The following CELF3 variants were observed in gnomAD, a reference collection of about 807,000 sequenced individuals.
CELF3 encodes the protein CAG repeat domain.
A neutral mutation model predicts 59.6 loss-of-function variants in CELF3; 26 were observed. The observed-to-expected ratio is 0.44, with a 90% CI of 0.32 to 0.61. The LOEUF is 0.61. Among genes scored for constraint, CELF3 ranks in the 20% least tolerant of loss-of-function variants. The probability of loss-of-function intolerance (pLI) is 0.06; values close to 1 mark genes in which losing one functional copy is unlikely to be tolerated. For missense variants in CELF3, 387 were observed against 627.2 expected (o/e 0.62, Z 4.09); for synonymous variants, 245 against 250.7 (o/e 0.98, Z 0.22).
chr1:151,716,691 AGT>A lies in CELF3; in HGVS notation c.-673_-672del. 1.0e-4 allele frequency: 5 copies of A among 48,246 alleles called. No individual in the cohort carries two copies. The highest frequency in any genetic ancestry group is 1.0e-4 in the South Asian group (1 of 9,790). 3.0% of individuals were successfully genotyped at this position (48,246 alleles called of 1,614,324 possible). ...TCAGCCCCCCTCCCACCCCCACCCCAGTCCCCGGGCCTGGGCTGCTGCCGGCT... is the reference window on the plus strand; with the variant it reads ...TCAGCCCCCCTCCCACCCCCACCCCACCCCGGGCCTGGGCTGCTGCCGGCT... On this transcript the variant is annotated 5_prime_UTR_variant, in exon 1 of 13. Coordinates refer to ENST00000290583, the MANE Select transcript of CELF3 (RefSeq NM_007185.7).
At chr1:151,712,230 C>T (rs1314602310) in intron 2 of CELF3, among the ~76,000 whole-genome samples, 1 of 152,232 alleles carries the variant, frequency 6.6e-6, no homozygotes. Flanking sequence ...TCCCTCGGGC[C>T]TCCCAAAGAA....
chr1:151,713,026 G>A (rs137902322), intron 2 of CELF3, among the ~76,000 whole-genome samples: 5 of 152,286 alleles, frequency 3.3e-5, no homozygotes, highest in African/African-American at 1.2e-4. Flanking sequence ...ACAGACATCT[G>A]CTCCCCACAA....
chr1:151,712,796 G>T (rs1340515874), intron 2 of CELF3, among the ~76,000 whole-genome samples: 1 of 152,154 alleles, frequency 6.6e-6, no homozygotes, highest in East Asian at 1.9e-4. Flanking sequence ...AGGAGAGGGG[G>T]CTAAATGTCT....
intron 2 of CELF3, chr1:151,711,786 T>C (rs3762302): frequency 0.063 from 9,619 of 152,334 alleles, 804 homozygotes; most frequent in East Asian, 0.38. Context: ...GGGGGATTCT[T>C]ACGCTTGGCG....
In CELF3 at chr1:151,709,627, G is replaced by A; in HGVS notation, c.277+116C>T. 1 of 1,155,442 alleles carries A rather than the reference G, an allele frequency of 8.7e-7. No individual in the cohort carries two copies. The highest frequency in any genetic ancestry group is 1.3e-6 in the Non-Finnish European group (1 of 768,052). 71.6% of individuals were successfully genotyped at this position (1,155,442 alleles called of 1,614,324 possible). A position where few individuals can be genotyped will look rare whatever the true frequency, so the allele number is the denominator to read the frequency against. On this transcript the variant is annotated intron_variant, in intron 3 of 12. Transcript: ENST00000290583. This position sits in a 1 kb window ranked among gnomAD's most constrained non-coding sequence, Gnocchi z 4.9. ...ACTGACTCCTATCTCACCGCAGCTG[G>A]GAACTCTTCAGAATCATCAGGCTTT...
At position 151,707,126 on chromosome 1, in the gene CELF3, G is replaced by C; in HGVS notation, c.922+19C>G. On this transcript the variant is annotated intron_variant, in intron 8 of 12. Transcript: ENST00000290583. ...TTTAGATGGTTGCTGGGACGGAGTGGGCAGGCAGAGAGTCCCACCTGGGTA... is the reference window on the plus strand; with the variant it reads ...TTTAGATGGTTGCTGGGACGGAGTGCGCAGGCAGAGAGTCCCACCTGGGTA... The C allele has an allele frequency of 6.8e-7, 1 of 1,466,862 alleles. No individual in the cohort carries two copies. Among genetic ancestry groups the C allele is most frequent in the Non-Finnish European group, 9.0e-7 (1 of 1,111,534 alleles). 90.9% of individuals were successfully genotyped at this position (1,466,862 alleles called of 1,614,324 possible). A position where few individuals can be genotyped will look rare whatever the true frequency, so the allele number is the denominator to read the frequency against.
Position 151,709,434 on chromosome 1 carries a change from T to G in CELF3, c.278-86A>C. ...TTCTTCCGCCCTTCCCTGGAGCTCC[T>G]AACACTACTTCTGCTACCCTTAGGG... On this transcript the variant is annotated intron_variant, in intron 3 of 12. Transcript: ENST00000290583. This position sits in a 1 kb window ranked among gnomAD's most constrained non-coding sequence, Gnocchi z 4.9. The G allele has an allele frequency of 1.3e-6, 2 of 1,557,364 alleles. No homozygotes were observed. Among genetic ancestry groups the G allele is most frequent in the Non-Finnish European group, 1.8e-6 (2 of 1,135,854 alleles).
At position 151,714,650 on chromosome 1, in the gene CELF3, G is replaced by A. The variant is rs1227203485; in HGVS notation, c.172C>T (p.Arg58Trp). Residue 58 changes from arginine to tryptophan, a missense_variant, in exon 2 of 13, where the codon CGG becomes TGG. By Grantham distance (101) the Arg-to-Trp change is moderately radical. Coordinates refer to ENST00000290583, the MANE Select transcript of CELF3 (RefSeq NM_007185.7). ...CTCTGGGCCTTCAGGGCTGAATCCCGGGCACAGTATGTCAGGAAGGCACAT... is the reference window on the plus strand; with the variant it reads ...CTCTGGGCCTTCAGGGCTGAATCCCAGGCACAGTATGTCAGGAAGGCACAT... ...KGCAFLTYCA[R>W]DSALKAQSAL... is the part of the protein sequence containing the mutation. The A allele has an allele frequency of 3.8e-6, 6 of 1,561,464 alleles. No individual in the cohort carries two copies. Among genetic ancestry groups the A allele is most frequent in the South Asian group, 2.4e-5 (2 of 84,596 alleles).
chr1:151,705,000 G>A, intron 12 of CELF3, 31 bp downstream of exon 12: 3 of 1,587,668 alleles, frequency 1.9e-6, no homozygotes, highest in Non-Finnish European at 2.6e-6. Flanking sequence ...TGTGAAGCTG[G>A]GGAGGGAGGC....
chr1:151,715,817 T>C (rs1343787425), intron 1 of CELF3, 59 bp downstream of exon 1: 1 of 1,595,562 alleles, frequency 6.3e-7, no homozygotes, highest in African/African-American at 1.3e-5. Flanking sequence ...CAGCCTGGCT[T>C]AACTTCCCCC....
chr1:151,703,691 A>G (rs1414302234), intron 12 of CELF3, among the ~76,000 whole-genome samples: 1 of 152,162 alleles, frequency 6.6e-6, no homozygotes, highest in Non-Finnish European at 1.5e-5. Context: ...GGTATTAGGA[A>G]GGAAATAGAT....
At chr1:151,715,554 A>G (rs1673407075) in intron 1 of CELF3, 1 of 1,251,986 alleles carries the variant, frequency 8.0e-7, no homozygotes, top group Admixed American at 2.2e-5. Context: ...CCAGCTGCTT[A>G]TCTCCCAAAC....
rs1672858916 is a variant in CELF3, at chr1:151,709,719, A to G, written c.277+24T>C. 6.2e-7 allele frequency: 1 copy of G among 1,612,672 alleles called. No homozygotes were observed. Among genetic ancestry groups the G allele is most frequent in the Non-Finnish European group, 8.5e-7 (1 of 1,178,652 alleles). ...GGCCTGGGGGTGGGAGGAGAGGGAC[A>G]GAGTCCAAAGGCACAGAACCTACCT... On this transcript the variant is annotated intron_variant, in intron 3 of 12. Coordinates refer to ENST00000290583, the MANE Select transcript of CELF3 (RefSeq NM_007185.7). The surrounding 1 kb of genome is among the most constrained non-coding windows in gnomAD (Gnocchi z 4.9).
At chr1:151,708,001 G>A in intron 5 of CELF3, 66 bp from the exon 6 acceptor site, 1 of 1,526,504 alleles carries the variant, frequency 6.6e-7, no homozygotes, top group Non-Finnish European at 8.8e-7. Flanking sequence ...AAAGCCCTCA[G>A]GACCTGGTCT....
In CELF3 at chr1:151,714,677, C is replaced by G; in HGVS notation, c.146-1G>C. ...GCACAGTATGTCAGGAAGGCACATC[C>G]TGAGGAGGGGCAGGGGCAGAGAAAC... On this transcript the variant is annotated splice_acceptor_variant, in intron 1 of 12. Transcript: ENST00000290583. LOFTEE classifies it high-confidence loss of function. 2 of 1,556,410 alleles carry G rather than the reference C, an allele frequency of 1.3e-6. No individual in the cohort carries two copies. The highest frequency in any genetic ancestry group is 1.7e-6 in the Non-Finnish European group (2 of 1,149,618).
rs1178151684 is a variant in CELF3 at position 151,700,590 on chromosome 1, C to G, written c.*2869G>C. On this transcript the variant is annotated 3_prime_UTR_variant, in exon 13 of 13. Transcript: ENST00000290583. The stretch of plus-strand genomic sequence containing the variant: ...GCAGAGAAGTTTTGTTTTTTATTAG[C>G]TGCAGTTTAGAAAGATTGATGCTTC... 2.6e-5 allele frequency among the ~76,000 whole-genome samples: 4 copies of G among 152,106 alleles called. No individual in the cohort carries two copies. Among genetic ancestry groups the G allele is most frequent in the Admixed American group, 2.6e-4 (4 of 15,266 alleles).
At position 151,701,889 on chromosome 1, in the gene CELF3, C is replaced by CT. The variant is rs1367682569; in HGVS notation, c.*1569dup. 2.0e-5 allele frequency among the ~76,000 whole-genome samples: 3 copies of CT among 152,226 alleles called. No homozygotes were observed. The highest frequency in any genetic ancestry group is 6.5e-5 in the Admixed American group (1 of 15,290). Reference sequence around the variant, plus strand: ...AGTGAGCTATGATCTCACCATCACACTCCAGCTTGAGTGACAGAGTGAGAC... The same window carrying CT: ...AGTGAGCTATGATCTCACCATCACACTTCCAGCTTGAGTGACAGAGTGAGAC... On this transcript the variant is annotated 3_prime_UTR_variant, in exon 13 of 13. Coordinates refer to ENST00000290583, the MANE Select transcript of CELF3 (RefSeq NM_007185.7).
rs140590829 is a variant in CELF3 at position 151,706,324 on chromosome 1, C to T, written c.1026G>A (p.Ala342=). The change falls in exon 10 of 13, where the codon GCG becomes GCA. Residue 342 remains alanine (A), a synonymous_variant. Transcript: ENST00000290583. ...CGACCAGGGCTGGAGGCTGCGGGAA[C>T]GCAGGTGCAACCAGGCTGTAGGCTG... ...YPAAYSLVAP[A]FPQPPALVAQ... 3.2e-4 allele frequency: 500 copies of T among 1,553,274 alleles called. 1 individual carries two copies. The African/African-American group carries it at 5.1e-3, about 16-fold the overall frequency.
At position 151,709,817 on chromosome 1, in the gene CELF3, G is replaced by C. The variant is rs369508054; in HGVS notation, c.229-26C>G. On this transcript the variant is annotated intron_variant, in intron 2 of 12. Transcript: ENST00000290583. The surrounding 1 kb of genome is among the most constrained non-coding windows in gnomAD (Gnocchi z 4.9). ...CTGAAGGAGAGAAGAGAAGGCAGCT[G>C]CTGGGGACCTCCTCTGAACACCCAA... 5 of 1,612,856 alleles carry C rather than the reference G, an allele frequency of 3.1e-6. No individual in the cohort carries two copies. In the African/African-American group the frequency reaches 6.7e-5, roughly 22 times the overall value.
Sources: allele counts gnomAD v4.1 joint callset (sites outside exome capture counted in the v4.1 genomes callset), GRCh38; gene constraint gnomAD v4.1.1; non-coding constraint Gnocchi (gnomAD v3.1); transcripts MANE v1.5; gene names NCBI Gene and HGNC (gene_info 2026-07-23, HGNC 2026-07-21).